The following MAD2L1BP variants were observed in gnomAD, a reference collection of about 807,000 sequenced individuals.
MAD2L1BP encodes the protein MAD2L1 binding protein.
Under a neutral mutation model 28.4 loss-of-function variants are expected in MAD2L1BP, and 22 were observed. The ratio of observed to expected loss-of-function variants is 0.77; its 90% CI spans 0.55 to 1.10. MAD2L1BP has a LOEUF of 1.10. Ranked by LOEUF, MAD2L1BP falls within the 50% of genes least tolerant of loss-of-function variation. MAD2L1BP has a pLI of 0.00. For missense variants in MAD2L1BP, 325 were observed against 350.5 expected, an observed-to-expected ratio of 0.93 and a Z score of 0.58; for synonymous variants, 146 against 133.7, an observed-to-expected ratio of 1.09 and a Z score of -0.63.
intron 2 of MAD2L1BP, among the ~76,000 whole-genome samples, chr6:43,639,151 T>TC (rs1372355346): frequency 1.1e-4 from 17 of 152,018 alleles, no homozygotes; most frequent in African/African-American, 4.1e-4. Context: ...TTTCTTTTTT[T>TC]TTTTTTGAGA....
intron 2 of MAD2L1BP, among the ~76,000 whole-genome samples, chr6:43,637,892 C>T (rs988968087): frequency 6.6e-6 from 1 of 150,682 alleles, no homozygotes; most frequent in Non-Finnish European, 1.5e-5. Context: ...AGCCACCGTG[C>T]TCCGCCTGTT....
chr6:43,638,783 G>A (rs1187357290), intron 2 of MAD2L1BP, among the ~76,000 whole-genome samples: 3 of 150,658 alleles, frequency 2.0e-5, no homozygotes, highest in South Asian at 2.1e-4. Flanking sequence ...GCGAAAGAGC[G>A]AAACTCTGTC....
chr6:43,632,781 G>A (rs1263048840), upstream of MAD2L1BP, among the ~76,000 whole-genome samples: 1 of 151,516 alleles, frequency 6.6e-6, no homozygotes, highest in African/African-American at 2.4e-5. Flanking sequence ...AGCACTTTGG[G>A]AGGCTGAGGC....
In MAD2L1BP at chr6:43,635,847, C is replaced by T; in HGVS notation, c.-29C>T. The stretch of plus-strand genomic sequence containing the variant: ...ATGCCCCGCGAGACCTTTATTCTAA[C>T]CGCAAGGAGTAGCGGAGGGGAGGTC... On this transcript the variant is annotated 5_prime_UTR_variant, in exon 1 of 3. Coordinates refer to ENST00000372171, the MANE Select transcript of MAD2L1BP (RefSeq NM_014628.3). The T allele has an allele frequency of 6.8e-7, 1 of 1,466,392 alleles. No homozygotes were observed. Among genetic ancestry groups the T allele is most frequent in the South Asian group, 1.4e-5 (1 of 73,130 alleles). The allele number at this position is 1,466,392 out of a possible 1,614,324, so 90.8% of individuals were successfully genotyped here.
chr6:43,633,841 C>T (rs1239286252), upstream of MAD2L1BP, among the ~76,000 whole-genome samples: 1 of 152,164 alleles, frequency 6.6e-6, no homozygotes, highest in African/African-American at 2.4e-5. Flanking sequence ...TCCCAAAGTG[C>T]TGGGAGTACA....
chr6:43,639,885 GT>G (rs1472370920), intron 2 of MAD2L1BP, 135 bp from the exon 3 acceptor site: 12 of 595,268 alleles, frequency 2.0e-5, no homozygotes, highest in Admixed American at 7.5e-5. Flanking sequence ...AAAACACAGT[GT>G]TTTGGCTGTG....
At chr6:43,631,599 C>T (rs745747200), upstream of MAD2L1BP, among the ~76,000 whole-genome samples, 4 of 152,312 alleles carry the variant, frequency 2.6e-5, no homozygotes, top group Middle Eastern at 3.4e-3. Flanking sequence ...ATCCTCCCAC[C>T]TCAGCCTCTG....
Position 43,636,559 on chromosome 6 carries a change from A to G in MAD2L1BP, c.225A>G (p.Glu75=). ...AAGGCTGCTGTCAGTTTACTTGTGA[A>G]CTTCTAAAGCATATCATGTATCAAC... ...SQEGCCQFTC[E]LLKHIMYQRQ... The change falls in exon 2 of 3, where the codon GAA becomes GAG. Residue 75 remains glutamate (E), a synonymous_variant. Transcript: ENST00000372171. 1 of 1,614,156 alleles carries G rather than the reference A, an allele frequency of 6.2e-7. No homozygotes were observed. Among genetic ancestry groups the G allele is most frequent in the Non-Finnish European group, 8.5e-7 (1 of 1,180,014 alleles).
chr6:43,632,558 C>T (rs111441245), upstream of MAD2L1BP, among the ~76,000 whole-genome samples: 4,998 of 152,028 alleles, frequency 0.033, 270 homozygotes, highest in African/African-American at 0.11. Flanking sequence ...TATGCCCAGC[C>T]AGATCCAGTA....
At chr6:43,631,372 T>C (rs1045193303), upstream of MAD2L1BP, among the ~76,000 whole-genome samples, 3 of 152,198 alleles carry the variant, frequency 2.0e-5, no homozygotes, top group Non-Finnish European at 4.4e-5. Context: ...AAGGAAGAGA[T>C]AAGACCATTC....
chr6:43,634,220 C>CTTTTTTTTTTT (rs751773637), upstream of MAD2L1BP, among the ~76,000 whole-genome samples: 5 of 103,684 alleles, frequency 4.8e-5, no homozygotes, highest in African/African-American at 1.6e-4. Context: ...TTCTTTTTTT[C>CTTTTTTTTTTT]TTTTTTTTTT....
At chr6:43,632,581 T>C (rs1235354543), upstream of MAD2L1BP, among the ~76,000 whole-genome samples, 4 of 151,910 alleles carry the variant, frequency 2.6e-5, no homozygotes, top group Non-Finnish European at 5.9e-5. Flanking sequence ...TTAATCATTG[T>C]ACTTTTATAG....
chr6:43,630,089 C>G (rs989389243), intron 1 of MAD2L1BP, among the ~76,000 whole-genome samples: 5 of 152,210 alleles, frequency 3.3e-5, no homozygotes, highest in Admixed American at 2.0e-4. Context: ...GGGCCTGGCC[C>G]CTACTTCGGG....
chr6:43,635,941 G>A lies in MAD2L1BP; in HGVS notation c.46+20G>A. 1 of 1,529,692 alleles carries A rather than the reference G, an allele frequency of 6.5e-7. No individual in the cohort carries two copies. The highest frequency in any genetic ancestry group is 8.8e-7 in the Non-Finnish European group (1 of 1,140,410). The allele number at this position is 1,529,692 out of a possible 1,614,324, so 94.8% of individuals were successfully genotyped here. A position where few individuals can be genotyped will look rare whatever the true frequency, so the allele number is the denominator to read the frequency against. On this transcript the variant is annotated intron_variant, in intron 1 of 2. Coordinates refer to ENST00000372171, the MANE Select transcript of MAD2L1BP (RefSeq NM_014628.3). ...TCCCTGGTAAGGCGTGGGGCCAAGA[G>A]TTTGGGGAGCCTTGGGGACTTGTTT...
chr6:43,637,296 C>G (rs1770285623), intron 2 of MAD2L1BP, among the ~76,000 whole-genome samples: 1 of 152,066 alleles, frequency 6.6e-6, no homozygotes, highest in Non-Finnish European at 1.5e-5. Context: ...AACTCCTGAC[C>G]TCAAGTGATC....
upstream of MAD2L1BP, chr6:43,635,813 C>T: frequency 1.4e-6 from 2 of 1,420,458 alleles, no homozygotes; most frequent in Non-Finnish European, 1.8e-6. Flanking sequence ...GAGGCGCGGG[C>T]TTCCCATGAT....
chr6:43,640,828 T>A lies in MAD2L1BP; in HGVS notation c.*295T>A, dbSNP rs1799726. 1.5e-3 allele frequency: 451 copies of A among 304,066 alleles called. 3 individuals are homozygous for A. The highest frequency in any genetic ancestry group is 8.7e-3 in the African/African-American group (411 of 47,124). The allele number at this position is 304,066 out of a possible 1,614,324, so 18.8% of individuals were successfully genotyped here. A position where few individuals can be genotyped will look rare whatever the true frequency, so the allele number is the denominator to read the frequency against. Reference sequence around the variant, plus strand: ...AAAGCAAAAATGGGTCCATAGACACTCTATGGAGGTGTCCCTTTCTGCTCT... The same window carrying A: ...AAAGCAAAAATGGGTCCATAGACACACTATGGAGGTGTCCCTTTCTGCTCT... On this transcript the variant is annotated 3_prime_UTR_variant, in exon 3 of 3. Coordinates refer to ENST00000372171, the MANE Select transcript of MAD2L1BP (RefSeq NM_014628.3).
At chr6:43,638,305 GTGT>G (rs1246648013) in intron 2 of MAD2L1BP, among the ~76,000 whole-genome samples, 1 of 152,088 alleles carries the variant, frequency 6.6e-6, no homozygotes, top group Non-Finnish European at 1.5e-5. Flanking sequence ...GCCTCCCAAA[GTGT>G]TGTTGGGATT....
At chr6:43,629,590 G>C in exon 1 of MAD2L1BP, 1 of 752,802 alleles carries the variant, frequency 1.3e-6, no homozygotes, top group Non-Finnish European at 2.3e-6. Context: ...GGACACCAGC[G>C]TAGAAGAGCT....
Sources: gnomAD v4.1 joint callset for allele counts (sites outside exome capture counted in the v4.1 genomes callset) on GRCh38, gnomAD v4.1.1 for gene constraint, MANE v1.5 for transcripts, NCBI Gene and HGNC (gene_info 2026-07-23, HGNC 2026-07-21) for gene names.